Variants in CTNNA2 observed in about 807,000 individuals in gnomAD.
CTNNA2 encodes the protein catenin alpha-2.
CTNNA2 carries 42 observed loss-of-function variants against 101.0 expected under a neutral mutation model. The ratio of observed to expected loss-of-function variants is 0.42; its 90% confidence interval spans 0.32 to 0.54. The LOEUF (loss-of-function observed/expected upper bound fraction) is 0.54, where lower values mean the gene tolerates loss of function less well. CTNNA2 is among the 20% of genes least tolerant of loss of function. The pLI, the probability that CTNNA2 is intolerant of heterozygous loss-of-function variation, is 0.14. For synonymous variants in CTNNA2, 450 were observed against 456.4 expected, an observed-to-expected ratio of 0.99 and a Z score of 0.18; for missense variants, 871 against 1,223.1, an observed-to-expected ratio of 0.71 and a Z score of 4.29.
At chr2:79,281,073 G>GCCC in intron 2 of CTNNA2, among the ~76,000 whole-genome samples, 1 of 151,910 alleles carries the variant, frequency 6.6e-6, no homozygotes, top group African/African-American at 2.4e-5. Context: ...GGCTTCACCA[G>GCCC]CTAAAGCATC....
intron 2 of CTNNA2, among the ~76,000 whole-genome samples, chr2:79,698,913 T>C (rs1197138901): frequency 6.6e-6 from 1 of 152,118 alleles, no homozygotes; most frequent in African/African-American, 2.4e-5. Flanking sequence ...AGTCTTCTAC[T>C]AGCCTGTCAC....
intron 7 of CTNNA2, among the ~76,000 whole-genome samples, chr2:80,140,970 T>C (rs1277830403): frequency 6.6e-6 from 1 of 152,148 alleles, no homozygotes; most frequent in Non-Finnish European, 1.5e-5. Flanking sequence ...GCTTCATGAT[T>C]CAGTTTGATT....
intron 7 of CTNNA2, among the ~76,000 whole-genome samples, chr2:79,957,785 C>T (rs1274476456): frequency 6.6e-6 from 1 of 152,170 alleles, no homozygotes; most frequent in East Asian, 1.9e-4. Context: ...TATATGAAGG[C>T]TTTTTAAGAA....
At chr2:79,629,133 C>T (rs962739780) in intron 1 of CTNNA2, among the ~76,000 whole-genome samples, 1 of 152,068 alleles carries the variant, frequency 6.6e-6, no homozygotes, top group African/African-American at 2.4e-5. Context: ...CCATATTGGC[C>T]CTCGTGTGGT....
chr2:79,338,575 ATCATCTTCTTCTTCT>A lies in CTNNA2; in HGVS notation c.-318+25782_-318+25796del, dbSNP rs1172158860. The stretch of plus-strand genomic sequence containing the variant: ...ATTTTTCTTCTTCTTCTTCCTCCTC[ATCATCTTCTTCTTCT>A]TCTTCTTCTTCTTCTTCTTCTTCTT... On this transcript the variant is annotated intron_variant, in intron 3 of 21. Transcript: ENST00000466387. 3.6e-3 allele frequency among the ~76,000 whole-genome samples: 415 copies of A among 115,520 alleles called. 3 individuals carry two copies. The highest frequency in any genetic ancestry group is 0.011 in the African/African-American group (323 of 29,448). 75.8% of individuals were successfully genotyped at this position (115,520 alleles called of 152,430 possible).
rs752671380 is a variant in CTNNA2 at position 80,598,107 on chromosome 2, C to T, written c.2190-5967C>T. ...TAAAGAAAATCTAGCACATATACAC[C>T]ATGGAATAGTATCCAGCCATAAAGA... On this transcript the variant is annotated intron_variant, in intron 15 of 18. Transcript: ENST00000402739. 3.1e-4 allele frequency among the ~76,000 whole-genome samples: 47 copies of T among 152,080 alleles called. 1 individual carries two copies. Among genetic ancestry groups the T allele is most frequent in the Admixed American group, 2.4e-3 (37 of 15,266 alleles).
At chr2:80,504,202 T>C (rs1199631707) in intron 9 of CTNNA2, among the ~76,000 whole-genome samples, 1 of 152,208 alleles carries the variant, frequency 6.6e-6, no homozygotes, top group East Asian at 1.9e-4. Context: ...CAGAATTCAG[T>C]ATCTTGAGAT....
At chr2:80,031,280 G>A (rs998029105) in intron 7 of CTNNA2, among the ~76,000 whole-genome samples, 2 of 152,190 alleles carry the variant, frequency 1.3e-5, no homozygotes, top group African/African-American at 4.8e-5. Flanking sequence ...AGAGGAGAGT[G>A]TGTATTAGTC....
At chr2:79,260,276 C>T (rs757962286) in intron 2 of CTNNA2, among the ~76,000 whole-genome samples, 5 of 152,090 alleles carry the variant, frequency 3.3e-5, no homozygotes, top group African/African-American at 7.2e-5. Flanking sequence ...TCAATAGCTC[C>T]CTCCTTGCAC....
chr2:79,909,852 G>C, intron 7 of CTNNA2, 55 bp downstream of exon 7: 2 of 1,508,282 alleles, frequency 1.3e-6, no homozygotes, highest in South Asian at 1.3e-5. Context: ...CTGCAATCGT[G>C]TTGCTCTTTT....
chr2:79,918,757 C>G (rs1686436933), intron 7 of CTNNA2, among the ~76,000 whole-genome samples: 1 of 152,058 alleles, frequency 6.6e-6, no homozygotes. Flanking sequence ...ATACTTTAAA[C>G]CTGGGGCTCA....
intron 2 of CTNNA2, chr2:79,687,581 C>T (rs1464884724): frequency 1.8e-5 from 13 of 703,732 alleles, no homozygotes; most frequent in South Asian, 3.1e-5. Flanking sequence ...TTTTTTCCAC[C>T]GGATATTTCA....
At chr2:79,886,811 T>C (rs1214161517) in intron 6 of CTNNA2, among the ~76,000 whole-genome samples, 1 of 146,566 alleles carries the variant, frequency 6.8e-6, no homozygotes, top group African/African-American at 2.5e-5. Flanking sequence ...GTGGGGTTTT[T>C]GTTGTTGTCG....
intron 1 of CTNNA2, among the ~76,000 whole-genome samples, chr2:79,636,231 C>G (rs1680041392): frequency 7.5e-6 from 1 of 133,992 alleles, no homozygotes; most frequent in African/African-American, 2.8e-5. Context: ...GATCGCGCCA[C>G]TGCACTCCAG....
intron 7 of CTNNA2, among the ~76,000 whole-genome samples, chr2:79,959,609 C>A (rs1326928928): frequency 6.6e-6 from 1 of 152,190 alleles, no homozygotes; most frequent in African/African-American, 2.4e-5. Flanking sequence ...TAGTGGTCAT[C>A]AAGTAAACAA....
chr2:80,212,038 C>A (rs1431884417), intron 7 of CTNNA2, among the ~76,000 whole-genome samples: 1 of 151,970 alleles, frequency 6.6e-6, no homozygotes, highest in Non-Finnish European at 1.5e-5. Flanking sequence ...TGGTGTATAG[C>A]AATGCTAGTG....
rs1679832386 is a variant in CTNNA2, at chr2:79,841,717, C to T, written c.299-16296C>T. On this transcript the variant is annotated intron_variant, in intron 3 of 18. Transcript: ENST00000402739. ...ATCAACGATCCTTTAAATATGTCTT[C>T]AGTCTTAATGAAGAAACATTAACTG... Among the ~76,000 whole-genome samples, 3 of 152,276 alleles carry T rather than the reference C, an allele frequency of 2.0e-5. No individual in the cohort carries two copies. In the South Asian group the frequency reaches 6.2e-4, roughly 32 times the overall value.
At chr2:80,516,592 T>C (rs1038756018) in intron 9 of CTNNA2, among the ~76,000 whole-genome samples, 2 of 152,210 alleles carry the variant, frequency 1.3e-5, no homozygotes, top group East Asian at 1.9e-4. Context: ...TCAACTTTTC[T>C]TTCTCAGGAA....
intron 8 of CTNNA2, among the ~76,000 whole-genome samples, chr2:80,399,536 G>A (rs1678363694): frequency 2.0e-5 from 3 of 152,150 alleles, no homozygotes; most frequent in Admixed American, 1.3e-4. Context: ...TGAGCAGAGG[G>A]ATCTATAACG....
Sources: allele counts gnomAD v4.1 joint callset (sites outside exome capture counted in the v4.1 genomes callset), GRCh38; gene constraint gnomAD v4.1.1; transcripts MANE v1.5; gene names NCBI Gene and HGNC (gene_info 2026-07-23, HGNC 2026-07-21).